The following MFSD12 variants were observed in gnomAD, a reference collection of about 807,000 sequenced individuals.
MFSD12 encodes the protein major facilitator superfamily domain-containing protein 12.
In MFSD12, 67 loss-of-function variants were observed where a neutral mutation model predicts 51.2. The observed-to-expected ratio is 1.31, with a 90% CI of 1.08 to 1.60. The LOEUF is 1.60. MFSD12 is among the 40% of genes most tolerant of loss of function. The pLI is 0.00. For synonymous variants in MFSD12, 441 were observed against 316.7 expected (o/e 1.39, Z -4.17); for missense variants, 921 against 673.0 (o/e 1.37, Z -4.08).
Position 3,544,914 on chromosome 19 carries a change from C to G in MFSD12, c.1315G>C (p.Val439Leu), listed in dbSNP as rs780795410. 3 of 1,610,668 alleles carry G rather than the reference C, an allele frequency of 1.9e-6. No individual in the cohort carries two copies. Among genetic ancestry groups the G allele is most frequent in the South Asian group, 1.1e-5 (1 of 90,858 alleles). The change falls in exon 9 of 10, where the codon GTG becomes CTG. Residue 439 changes from valine (V) to leucine (L), a missense_variant. By Grantham distance (32) the Val-to-Leu change is conservative (BLOSUM62 1). Coordinates refer to ENST00000355415, the MANE Select transcript of MFSD12 (RefSeq NM_174983.5). ...CPSELCCRAC[V>L]SFYHWAMVAV... is the part of the protein sequence containing the mutation. ...ACCATCGCCCAGTGGTAAAAGCTCA[C>G]GCAGGCCCTGCAGCAGAGCTCTGAG...
chr19:3,547,740 C>T, intron 4 of MFSD12, 108 bp downstream of exon 4: 4 of 1,347,968 alleles, frequency 3.0e-6, no homozygotes, highest in African/African-American at 1.5e-5. Context: ...GTGTGGGCTG[C>T]ACCAGGGGCC....
chr19:3,539,347 T>G (rs1599803707), downstream of MFSD12: 1 of 629,114 alleles, frequency 1.6e-6, no homozygotes, highest in South Asian at 1.6e-5. Flanking sequence ...TGGTTTGGGG[T>G]CTTGCACGTG....
rs1333202164 is a variant in MFSD12, at chr19:3,548,448, T to C, written c.510-181A>G. ...GCCTCAGTTTCCCCAGCCCGCACAT[T>C]ACCTAACGCGGGAAAGCTGTGACCT... On this transcript the variant is annotated intron_variant, in intron 2 of 9. Transcript: ENST00000355415. Among the ~76,000 whole-genome samples, 3 of 152,080 alleles carry C rather than the reference T, an allele frequency of 2.0e-5. No individual in the cohort carries two copies. In the East Asian group the frequency reaches 5.8e-4, roughly 29 times the overall value.
chr19:3,542,906 C>A (rs773328138), downstream of MFSD12: 1 of 1,427,554 alleles, frequency 7.0e-7, no homozygotes, highest in Non-Finnish European at 9.4e-7. Flanking sequence ...GGAGGCTGGA[C>A]AAGGACTGTA....
chr19:3,539,297 C>T, downstream of MFSD12: 3 of 1,101,800 alleles, frequency 2.7e-6, no homozygotes, highest in Non-Finnish European at 3.9e-6. Flanking sequence ...CTCCCAGCCC[C>T]TCCCTCCCTC....
rs2031201399 is a variant in MFSD12, at chr19:3,547,884, G to C, written c.801C>G (p.Leu267=). ...CCGGCTCCCGGAGCCAGTGCTTCCA[G>C]AGCAGCAGGGGCTGGGCCGTGGCAG... ...LAPATAQPLL[L]WKHWLREPAF... The change falls in exon 4 of 10, where the codon CTC becomes CTG. Residue 267 remains leucine, a synonymous_variant. Coordinates refer to ENST00000355415, the MANE Select transcript of MFSD12 (RefSeq NM_174983.5). The C allele has an allele frequency of 1.9e-6, 3 of 1,548,868 alleles. No homozygotes were observed. The East Asian group carries it at 7.0e-5, about 36-fold the overall frequency.
chr19:3,551,819 C>G lies in MFSD12; in HGVS notation c.299-625G>C, dbSNP rs1013622775. 1.1e-4 allele frequency among the ~76,000 whole-genome samples: 17 copies of G among 152,176 alleles called. No homozygotes were observed. The highest frequency in any genetic ancestry group is 3.9e-4 in the African/African-American group (16 of 41,448). ...CCTGCCCTGTCCCCTCCGTGCCCTG[C>G]CCTGCCCTTCCCTCTCTCCCCCTTC... On this transcript the variant is annotated intron_variant, in intron 1 of 9. Coordinates refer to ENST00000355415, the MANE Select transcript of MFSD12 (RefSeq NM_174983.5). The surrounding 1 kb of genome is among the most constrained non-coding windows in gnomAD (Gnocchi z 4.6).
chr19:3,544,913 ACGC>A lies in MFSD12; in HGVS notation c.1313_1315del (p.Cys438_Val439delinsLeu). The A allele has an allele frequency of 2.4e-5, 38 of 1,608,360 alleles. No individual in the cohort carries two copies. Among genetic ancestry groups the A allele is most frequent in the Non-Finnish European group, 3.2e-5 (38 of 1,177,074 alleles). On this transcript the variant is annotated inframe_deletion, in exon 9 of 10. Coordinates refer to ENST00000355415, the MANE Select transcript of MFSD12 (RefSeq NM_174983.5). ...CACCATCGCCCAGTGGTAAAAGCTC[ACGC>A]AGGCCCTGCAGCAGAGCTCTGAGCT...
Position 3,548,198 on chromosome 19 carries a change from G to A in MFSD12, c.579C>T (p.Gly193=), listed in dbSNP as rs770764733. The A allele has an allele frequency of 1.1e-5, 17 of 1,571,702 alleles. No homozygotes were observed. Among genetic ancestry groups the A allele is most frequent in the Non-Finnish European group, 1.5e-5 (17 of 1,160,044 alleles). The change falls in exon 3 of 10, where the codon GGC becomes GGT. Residue 193 remains glycine (G), a synonymous_variant. Coordinates refer to ENST00000355415, the MANE Select transcript of MFSD12 (RefSeq NM_174983.5). ...CTTGGGTGGGCTCCACCCGCGACGAGCCCTGCAGGTGCAGCAGGAGCCAGG... is the reference window on the plus strand; with the variant it reads ...CTTGGGTGGGCTCCACCCGCGACGAACCCTGCAGGTGCAGCAGGAGCCAGG... ...GAAWLLLHLQ[G]SSRVEPTQDI...
chr19:3,552,460 G>T (rs1440828289), intron 1 of MFSD12, among the ~76,000 whole-genome samples: 1 of 119,974 alleles, frequency 8.3e-6, no homozygotes, highest in African/African-American at 3.3e-5. Flanking sequence ...GAGCCACCGC[G>T]CCCCGCCTTT....
intron 1 of MFSD12, among the ~76,000 whole-genome samples, chr19:3,552,132 G>A (rs1368145118): frequency 6.6e-6 from 1 of 152,008 alleles, no homozygotes; most frequent in Non-Finnish European, 1.5e-5. Flanking sequence ...CAAGGGGCCT[G>A]GGGAGACCCA....
intron 1 of MFSD12, among the ~76,000 whole-genome samples, chr19:3,556,083 C>T (rs1003635249): frequency 2.0e-5 from 3 of 152,178 alleles, no homozygotes; most frequent in African/African-American, 7.2e-5. Context: ...AAGAACAGGG[C>T]AGAGACCCCT....
chr19:3,543,658 G>A (rs1384657785), downstream of MFSD12: 3 of 1,541,674 alleles, frequency 1.9e-6, no homozygotes, highest in Non-Finnish European at 2.6e-6. Flanking sequence ...GGAAAGACAG[G>A]CCAATCCGGG....
At chr19:3,541,698 G>C, downstream of MFSD12, 6 of 985,294 alleles carry the variant, frequency 6.1e-6, no homozygotes, top group Non-Finnish European at 4.8e-6. Context: ...ACGGGGGTGA[G>C]TGCATGTACC....
intron 6 of MFSD12, 122 bp downstream of exon 6, chr19:3,547,150 T>C: frequency 1.1e-6 from 1 of 872,892 alleles, no homozygotes; most frequent in African/African-American, 1.6e-5. Flanking sequence ...GATCTGGGGC[T>C]TCTACAAGGC....
rs73920149 is a variant in MFSD12 at position 3,538,464 on chromosome 19, G to A, written c.*298C>T. 9.6e-5 allele frequency: 30 copies of A among 313,010 alleles called. No homozygotes were observed. The East Asian group carries it at 1.2e-3, about 13-fold the overall frequency. The allele number at this position is 313,010 out of a possible 1,614,324, so 19.4% of individuals were successfully genotyped here. A position where few individuals can be genotyped will look rare whatever the true frequency, so the allele number is the denominator to read the frequency against. The stretch of plus-strand genomic sequence containing the variant: ...CCCCCAGGTCCCCCTCCCCAGTCCC[G>A]GCACCCACGAATCCTCTCCCTGATT... On this transcript the variant is annotated 3_prime_UTR_variant, in exon 5 of 5. Coordinates refer to the MFSD12 transcript ENST00000398558.
downstream of MFSD12, chr19:3,539,294 C>CCCCTCCCTCCCTCCCTCCCTCCCT: frequency 7.8e-7 from 1 of 1,283,080 alleles, no homozygotes; most frequent in South Asian, 1.3e-5. Context: ...CCCCTCCCAG[C>CCCCTCCCTCCCTCCCTCCCTCCCT]CCCTCCCTCC....
intron 4 of MFSD12, chr19:3,539,111 TG>T: frequency 9.4e-7 from 1 of 1,062,314 alleles, no homozygotes; most frequent in East Asian, 2.6e-5. Flanking sequence ...AGACACTGGG[TG>T]GCCTTTATGC....
At chr19:3,539,542 C>G (rs1287789526), downstream of MFSD12, 1 of 473,018 alleles carries the variant, frequency 2.1e-6, no homozygotes, top group African/African-American at 1.9e-5. Flanking sequence ...AATGTTCGCC[C>G]TCTGAAATCC....
Sources: gnomAD v4.1 joint callset for allele counts (sites outside exome capture counted in the v4.1 genomes callset) on GRCh38, gnomAD v4.1.1 for gene constraint, Gnocchi (gnomAD v3.1) non-coding constraint, MANE v1.5 for transcripts, NCBI Gene and HGNC (gene_info 2026-07-23, HGNC 2026-07-21) for gene names.